The following NHSL2 variants were observed in gnomAD, a reference collection of about 807,000 sequenced individuals.
NHSL2 encodes NHS-like protein 2.
In NHSL2, 27 loss-of-function variants were observed where a neutral mutation model predicts 53.4. That is an observed-to-expected ratio of 0.51 (90% confidence interval 0.37 to 0.70). The LOEUF (loss-of-function observed/expected upper bound fraction) is 0.70, where lower values mean the gene tolerates loss of function less well. Ranked by LOEUF, NHSL2 falls within the 30% of genes least tolerant of loss-of-function variation. The pLI is 0.00. For synonymous variants in NHSL2, 408 were observed against 404.1 expected, an observed-to-expected ratio of 1.01 and a Z score of -0.12; for missense variants, 892 against 980.1, an observed-to-expected ratio of 0.91 and a Z score of 1.20.
intron 1 of NHSL2, among the ~76,000 whole-genome samples, chrX:72,099,570 C>T: frequency 9.1e-6 from 1 of 110,142 alleles, no homozygotes; most frequent in Admixed American, 9.7e-5. Flanking sequence ...GGGATTTCAC[C>T]ATATTGGTCA....
At chrX:71,921,350 G>T (rs1199742633) in intron 1 of NHSL2, among the ~76,000 whole-genome samples, 4 of 107,069 alleles carry the variant, frequency 3.7e-5, no homozygotes, top group African/African-American at 1.4e-4. Flanking sequence ...AACCCGGGAG[G>T]TGGAGGTTGC....
At chrX:71,974,548 G>A (rs1172432414) in intron 1 of NHSL2, among the ~76,000 whole-genome samples, 1 of 112,048 alleles carries the variant, frequency 8.9e-6, no homozygotes, top group African/African-American at 3.2e-5. Flanking sequence ...CTTCTCTGCT[G>A]TTGCTCCAGC....
At chrX:71,957,774 T>C (rs1304712365) in intron 1 of NHSL2, among the ~76,000 whole-genome samples, 1 of 111,018 alleles carries the variant, frequency 9.0e-6, no homozygotes, top group Non-Finnish European at 1.9e-5. Flanking sequence ...TCAGTAAATA[T>C]CTGCTGACTG....
chrX:72,103,772 C>T (rs113939152), intron 1 of NHSL2, among the ~76,000 whole-genome samples: 2,815 of 112,375 alleles, frequency 0.025, 48 homozygotes, highest in Non-Finnish European at 0.04. Context: ...AGAGAAGATA[C>T]CCTCCCAGGG....
At chrX:72,008,708 G>A (rs1403941164) in intron 1 of NHSL2, among the ~76,000 whole-genome samples, 4 of 112,309 alleles carry the variant, frequency 3.6e-5, no homozygotes, top group African/African-American at 1.3e-4. Context: ...TAAGTTGCTC[G>A]TCTTGAGTTT....
intron 1 of NHSL2, among the ~76,000 whole-genome samples, chrX:71,923,969 T>A (rs1046323231): frequency 3.6e-5 from 4 of 112,224 alleles, no homozygotes; most frequent in African/African-American, 9.7e-5. Flanking sequence ...TGCCCTTTAA[T>A]TTTCCTGTTC....
intron 1 of NHSL2, chrX:72,130,194 A>G: frequency 8.3e-7 from 1 of 1,209,363 alleles, no homozygotes; most frequent in Non-Finnish European, 1.1e-6. Context: ...CCTCCACCTC[A>G]CCATAGGTCT....
chrX:72,121,695 C>A (rs1275866132), intron 1 of NHSL2, among the ~76,000 whole-genome samples: 2 of 112,151 alleles, frequency 1.8e-5, no homozygotes, highest in African/African-American at 6.5e-5. Flanking sequence ...TTCTCTGACA[C>A]CCTAGGGCAG....
At chrX:72,130,685 T>C in intron 1 of NHSL2, 1 of 1,211,884 alleles carries the variant, frequency 8.3e-7, no homozygotes, top group Non-Finnish European at 1.1e-6. Context: ...AAGAGCTCTT[T>C]GCGGAAGAAT....
At chrX:72,104,211 G>A (rs2042019882) in intron 1 of NHSL2, among the ~76,000 whole-genome samples, 1 of 107,565 alleles carries the variant, frequency 9.3e-6, no homozygotes, top group African/African-American at 3.4e-5. Flanking sequence ...TCCCATTCAC[G>A]ACTACTTCAA....
chrX:72,139,218 A>G lies in NHSL2; in HGVS notation c.1670A>G (p.Lys557Arg). The change falls in exon 6 of 8, where the codon AAG (lysine) becomes AGG (arginine). Residue 557 changes from lysine (K) to arginine (R), a missense_variant. By Grantham distance (26) the Lys-to-Arg change is conservative. Coordinates refer to ENST00000633930, the MANE Select transcript of NHSL2 (RefSeq NM_001013627.3). ...QEAQHRRQRS[K>R]SISLRKAKKK... Reference sequence around the variant, plus strand: ...GCCCAGCACAGAAGGCAGAGGTCCAAGAGTATCTCACTTAGGAAGGCCAAA... The same window carrying G: ...GCCCAGCACAGAAGGCAGAGGTCCAGGAGTATCTCACTTAGGAAGGCCAAA... The G allele has an allele frequency of 8.5e-7, 1 of 1,177,678 alleles. No homozygotes were observed. The highest frequency in any genetic ancestry group is 1.1e-6 in the Non-Finnish European group (1 of 878,121).
intron 1 of NHSL2, among the ~76,000 whole-genome samples, chrX:71,956,146 C>T (rs761314735): frequency 8.9e-6 from 1 of 112,155 alleles, no homozygotes; most frequent in South Asian, 3.7e-4. Context: ...GTTCTCCCCA[C>T]CCCGCTCTTC....
chrX:71,966,717 A>G (rs926972687), intron 1 of NHSL2, among the ~76,000 whole-genome samples: 3 of 111,676 alleles, frequency 2.7e-5, no homozygotes, highest in Non-Finnish European at 3.8e-5. Flanking sequence ...GGATTTTTGC[A>G]TCTATATTTA....
rs990583803 is a variant in NHSL2, at chrX:72,152,870, G to A, written c.*9296G>A. 1.8e-5 allele frequency: 2 copies of A among 112,467 alleles called. No homozygotes were observed. Among genetic ancestry groups the A allele is most frequent in the Admixed American group, 9.4e-5 (1 of 10,607 alleles). The allele number at this position is 112,467 out of a possible 1,213,427, so 9.3% of individuals were successfully genotyped here. A position where few individuals can be genotyped will look rare whatever the true frequency, so the allele number is the denominator to read the frequency against. On this transcript the variant is annotated 3_prime_UTR_variant, in exon 8 of 8. Transcript: ENST00000633930. ...TTGCCAAAAGCAAACTGAGGAATGA[G>A]CATTGGCCAGTCCTAGTATGCAGTC...
chrX:72,019,039 C>T (rs1483179145), intron 1 of NHSL2, among the ~76,000 whole-genome samples: 1 of 112,449 alleles, frequency 8.9e-6, no homozygotes, highest in Non-Finnish European at 1.9e-5. Flanking sequence ...ATGTCCTGTC[C>T]GAGGCTGGTG....
intron 1 of NHSL2, among the ~76,000 whole-genome samples, chrX:72,059,930 G>T (rs1453041490): frequency 8.9e-6 from 1 of 111,957 alleles, no homozygotes; most frequent in Non-Finnish European, 1.9e-5. Flanking sequence ...TGAGGGCCAG[G>T]GTTCTATCAG....
At chrX:71,933,812 T>C (rs1238917478) in intron 1 of NHSL2, among the ~76,000 whole-genome samples, 1 of 111,609 alleles carries the variant, frequency 9.0e-6, no homozygotes, top group Non-Finnish European at 1.9e-5. Flanking sequence ...CAGGTTCATT[T>C]TGGCCAGCTT....
At chrX:71,977,958 G>T (rs1482971413) in intron 1 of NHSL2, among the ~76,000 whole-genome samples, 4 of 110,932 alleles carry the variant, frequency 3.6e-5, no homozygotes, top group African/African-American at 1.3e-4. Context: ...GAGAGGGGTG[G>T]CCTGGGTTCA....
intron 1 of NHSL2, among the ~76,000 whole-genome samples, chrX:71,915,404 C>A (rs750650656): frequency 1.8e-5 from 2 of 111,505 alleles, no homozygotes; most frequent in Non-Finnish European, 3.8e-5. Flanking sequence ...CTTGACATCC[C>A]GGACCCAGAA....
Sources: allele counts gnomAD v4.1 joint callset (sites outside exome capture counted in the v4.1 genomes callset), GRCh38; gene constraint gnomAD v4.1.1; transcripts MANE v1.5; gene names NCBI Gene and HGNC (gene_info 2026-07-23, HGNC 2026-07-21).